The following RNF17 variants were observed in gnomAD, a reference collection of about 807,000 sequenced individuals.
RNF17 encodes the protein spermatogenesis associated 23.
Under a neutral mutation model 200.5 loss-of-function variants are expected in RNF17, and 31 were observed. The ratio of observed to expected loss-of-function variants is 0.15; its 90% CI spans 0.12 to 0.21. The LOEUF is 0.21. Among genes scored for constraint, RNF17 ranks in the 10% least tolerant of loss-of-function variants. RNF17 has a pLI of 1.00. For missense variants in RNF17, 1,628 were observed against 1,905.1 expected, an observed-to-expected ratio of 0.85 and a Z score of 2.71; for synonymous variants, 606 against 637.8, an observed-to-expected ratio of 0.95 and a Z score of 0.75.
At chr13:24,882,397 A>ATTAT (rs1380994492), downstream of RNF17, 2 of 152,050 alleles carry the variant, frequency 1.3e-5, no homozygotes, top group East Asian at 3.9e-4. Flanking sequence ...CCAATCTGTA[A>ATTAT]TTATTTATTA....
intron 15 of RNF17, among the ~76,000 whole-genome samples, chr13:24,810,031 T>C (rs995443697): frequency 6.6e-6 from 1 of 152,094 alleles, no homozygotes; most frequent in African/African-American, 2.4e-5. Context: ...TCTGTTCTTT[T>C]ACATTTGCTG....
intron 15 of RNF17, among the ~76,000 whole-genome samples, chr13:24,820,540 A>G (rs180946277): frequency 6.6e-6 from 1 of 152,180 alleles, no homozygotes; most frequent in East Asian, 1.9e-4. Context: ...GGTTCAAGCA[A>G]TTCTTCTGCG....
chr13:24,764,422 C>A (rs1488243682), intron 1 of RNF17, 89 bp downstream of exon 1: 1 of 1,446,396 alleles, frequency 6.9e-7, no homozygotes, highest in South Asian at 1.4e-5. Flanking sequence ...GAGGCTTGGT[C>A]AGCTGCATCC....
intron 16 of RNF17, among the ~76,000 whole-genome samples, chr13:24,827,750 C>T (rs1267037120): frequency 2.7e-5 from 4 of 147,024 alleles, no homozygotes; most frequent in South Asian, 4.5e-4. Flanking sequence ...ATTTACTTCT[C>T]GGTTCTAGAG....
intron 6 of RNF17, among the ~76,000 whole-genome samples, chr13:24,782,381 G>A (rs1391947627): frequency 1.3e-5 from 2 of 151,658 alleles, no homozygotes; most frequent in South Asian, 2.1e-4. Flanking sequence ...TTTGTTTTCC[G>A]AGACAAGGGT....
At chr13:24,789,003 G>A (rs1049872535) in intron 7 of RNF17, among the ~76,000 whole-genome samples, 1 of 152,030 alleles carries the variant, frequency 6.6e-6, no homozygotes, top group Non-Finnish European at 1.5e-5. Flanking sequence ...ACTAGGTGAT[G>A]AAAAAAATGA....
At chr13:24,790,569 A>G (rs1430567277) in intron 9 of RNF17, among the ~76,000 whole-genome samples, 2 of 152,140 alleles carry the variant, frequency 1.3e-5, no homozygotes, top group African/African-American at 4.8e-5. Context: ...GTCTTATTCT[A>G]TTTGTGCTGC....
chr13:24,818,135 C>T (rs1887614433), intron 15 of RNF17, among the ~76,000 whole-genome samples: 1 of 151,994 alleles, frequency 6.6e-6, no homozygotes, highest in African/African-American at 2.4e-5. Context: ...AGGATTTCTT[C>T]TTTGACCTGT....
chr13:24,829,224 T>C (rs1227067634), intron 16 of RNF17, among the ~76,000 whole-genome samples: 3 of 152,336 alleles, frequency 2.0e-5, no homozygotes, highest in East Asian at 3.9e-4. Flanking sequence ...CTGGATGCCA[T>C]GTTTACCTCT....
At chr13:24,791,927 G>A (rs1245059176) in intron 9 of RNF17, among the ~76,000 whole-genome samples, 2 of 152,232 alleles carry the variant, frequency 1.3e-5, no homozygotes, top group East Asian at 3.9e-4. Flanking sequence ...TAATCAGATA[G>A]GTTAACAGAA....
At chr13:24,851,832 A>G (rs1005572483) in intron 24 of RNF17, among the ~76,000 whole-genome samples, 4 of 152,196 alleles carry the variant, frequency 2.6e-5, no homozygotes, top group South Asian at 2.1e-4. Context: ...TGACATTTAC[A>G]CTGTAAACCA....
At chr13:24,868,866 C>T (rs1893958438) in intron 31 of RNF17, 150 bp downstream of exon 31, 2 of 602,124 alleles carry the variant, frequency 3.3e-6, no homozygotes, top group Non-Finnish European at 5.9e-6. Context: ...ATAATATCCT[C>T]TTCAGATATT....
chr13:24,826,198 C>A, intron 16 of RNF17: 1 of 606,334 alleles, frequency 1.6e-6, no homozygotes, highest in Non-Finnish European at 2.1e-6. Context: ...CTAGTTTTCT[C>A]GATATATTTT....
chr13:24,781,776 A>G, intron 5 of RNF17, 68 bp from the exon 6 acceptor site: 1 of 1,182,858 alleles, frequency 8.5e-7, no homozygotes, highest in Non-Finnish European at 1.2e-6. Context: ...TTTACTTTCA[A>G]AATTCTACAA....
chr13:24,815,477 A>G, intron 15 of RNF17, among the ~76,000 whole-genome samples: 1 of 136,430 alleles, frequency 7.3e-6, no homozygotes, highest in South Asian at 2.3e-4. Context: ...GTGTGTGTAT[A>G]ATTTGGGGGG....
intron 5 of RNF17, among the ~76,000 whole-genome samples, chr13:24,781,290 ACT>A (rs1376309022): frequency 6.6e-6 from 1 of 152,034 alleles, no homozygotes; most frequent in African/African-American, 2.4e-5. Flanking sequence ...AATTTAGTAC[ACT>A]CATCAGTGGA....
the RNF17 span, among the ~76,000 whole-genome samples, chr13:24,748,803 C>A: frequency 6.6e-6 from 1 of 151,288 alleles, no homozygotes; most frequent in Admixed American, 6.6e-5. Context: ...TGGAGTGCAA[C>A]GAACGGCGTG....
chr13:24,796,061 T>C, intron 10 of RNF17, 76 bp from the exon 11 acceptor site: 2 of 1,132,118 alleles, frequency 1.8e-6, no homozygotes, highest in Non-Finnish European at 2.5e-6. Context: ...TTTTAGAGGC[T>C]ATTATGGTTG....
chr13:24,776,728 C>G (rs1402028432), intron 3 of RNF17, among the ~76,000 whole-genome samples: 1 of 152,132 alleles, frequency 6.6e-6, no homozygotes. Context: ...GTGAGGTTTG[C>G]GGTAGATGAC....
Sources: allele counts gnomAD v4.1 joint callset (sites outside exome capture counted in the v4.1 genomes callset), GRCh38; gene constraint gnomAD v4.1.1; transcripts MANE v1.5; gene names NCBI Gene and HGNC (gene_info 2026-07-23, HGNC 2026-07-21).